Variants in TMEM145 observed in about 807,000 individuals in gnomAD.
The protein encoded by TMEM145 is transmembrane protein 145.
A neutral mutation model predicts 68.5 loss-of-function variants in TMEM145; 46 were observed. The observed-to-expected ratio is 0.67, with a 90% CI of 0.53 to 0.86. TMEM145 has a LOEUF of 0.86. Among genes scored for constraint, TMEM145 ranks in the 40% least tolerant of loss-of-function variants. TMEM145 has a pLI of 0.00. For missense variants in TMEM145, 570 were observed against 645.8 expected, an observed-to-expected ratio of 0.88 and a Z score of 1.27; for synonymous variants, 255 against 280.2, an observed-to-expected ratio of 0.91 and a Z score of 0.90.
rs530556985 is a variant in TMEM145 at position 42,321,534 on chromosome 19, C to T, written c.1194+1097C>T. ...CCTCCCTAGTAGCTGGGACTACAGGCGCCCACCACCACGCCTAGCAAATTT... is the reference window on the plus strand; with the variant it reads ...CCTCCCTAGTAGCTGGGACTACAGGTGCCCACCACCACGCCTAGCAAATTT... On this transcript the variant is annotated intron_variant, in intron 13 of 14. Coordinates refer to ENST00000301204, the MANE Select transcript of TMEM145 (RefSeq NM_173633.3). 92 of 173,246 alleles carry T rather than the reference C, an allele frequency of 5.3e-4. 1 individual carries two copies. Among genetic ancestry groups the T allele is most frequent in the Non-Finnish European group, 9.4e-4 (77 of 82,322 alleles). 10.7% of individuals were successfully genotyped at this position (173,246 alleles called of 1,614,324 possible). A position where few individuals can be genotyped will look rare whatever the true frequency, so the allele number is the denominator to read the frequency against.
Position 42,324,721 on chromosome 19 carries a change from C to A in TMEM145, c.1402-16C>A. On this transcript the variant is annotated splice_polypyrimidine_tract_variant and intron_variant, in intron 14 of 14. Transcript: ENST00000301204. Reference sequence around the variant, plus strand: ...AACGGTCCCGCGGGAGCCGCTCTCCCCGTCCCCTCCCTCAGCCCCTGCCCC... The same window carrying A: ...AACGGTCCCGCGGGAGCCGCTCTCCACGTCCCCTCCCTCAGCCCCTGCCCC... The A allele has an allele frequency of 6.8e-7, 1 of 1,481,430 alleles. No individual in the cohort carries two copies. The highest frequency in any genetic ancestry group is 2.9e-5 in the East Asian group (1 of 34,812). The allele number at this position is 1,481,430 out of a possible 1,614,324, so 91.8% of individuals were successfully genotyped here.
chr19:42,314,738 G>A (rs1298171923), intron 4 of TMEM145, 39 bp downstream of exon 4: 1 of 1,614,178 alleles, frequency 6.2e-7, no homozygotes. Context: ...GGTGCTGAAG[G>A]ATGAAGCCTT....
rs1035204323 is a variant in TMEM145 at position 42,323,499 on chromosome 19, A to G, written c.1195-84A>G. 5 of 1,351,072 alleles carry G rather than the reference A, an allele frequency of 3.7e-6. No homozygotes were observed. In the Admixed American group the frequency reaches 9.4e-5, roughly 25 times the overall value. 83.7% of individuals were successfully genotyped at this position (1,351,072 alleles called of 1,614,324 possible). A position where few individuals can be genotyped will look rare whatever the true frequency, so the allele number is the denominator to read the frequency against. ...GGAAGTGTGGTGGATGTCAACTGAA[A>G]GGGAATCCTTCGGACCCCAAGTTTA... On this transcript the variant is annotated intron_variant, in intron 13 of 14. Transcript: ENST00000301204.
rs764274684 is a variant in TMEM145 at position 42,323,721 on chromosome 19, G to A, written c.1333G>A (p.Val445Met). The A allele has an allele frequency of 9.3e-6, 15 of 1,614,056 alleles. No individual in the cohort carries two copies. The highest frequency in any genetic ancestry group is 1.2e-5 in the Non-Finnish European group (14 of 1,180,024). Reference sequence around the variant, plus strand: ...CTTCCCGCAGCACGTCTATGGGAACGTGACGTTTATCAGCGACTCGGTGCC... The same window carrying A: ...CTTCCCGCAGCACGTCTATGGGAACATGACGTTTATCAGCGACTCGGTGCC... ...KAFPQHVYGNVTFISDSVPNF... is the reference protein window; with the variant it reads ...KAFPQHVYGNMTFISDSVPNF... Residue 445 changes from valine (V) to methionine (M), a missense_variant, in exon 14 of 15, where the codon GTG (valine) becomes ATG (methionine). Transcript: ENST00000301204.
rs1356113148 is a variant in TMEM145, at chr19:42,314,088, TCAGGGCGGCAGGAATCCTGG to T, written c.121-183_121-164del. 2.7e-5 allele frequency among the ~76,000 whole-genome samples: 4 copies of T among 150,742 alleles called. No individual in the cohort carries two copies. In the East Asian group the frequency reaches 7.9e-4, roughly 30 times the overall value. ...TTGGGGGGGCAATGGAGGGAGAAAA[TCAGGGCGGCAGGAATCCTGG>T]ACCCACAGTGACGGGATCAGGGAAG... is the stretch of plus-strand genomic sequence containing the variant. On this transcript the variant is annotated intron_variant, in intron 1 of 14. Transcript: ENST00000301204.
rs2038827527 is a variant in TMEM145 at position 42,313,871 on chromosome 19, A to G, written c.120+375A>G. On this transcript the variant is annotated intron_variant, in intron 1 of 14. Transcript: ENST00000301204. This position sits in a 1 kb window ranked among gnomAD's most constrained non-coding sequence, Gnocchi z 5.1. ...TCAGGACCGGGAGGGGGCCGTTTGG[A>G]AGATTCCCCCGCGCGGGATGGTCTT... is the stretch of plus-strand genomic sequence containing the variant. Among the ~76,000 whole-genome samples the G allele has an allele frequency of 6.6e-6, 1 of 151,874 alleles. No individual in the cohort carries two copies. Among genetic ancestry groups the G allele is most frequent in the Non-Finnish European group, 1.5e-5 (1 of 67,952 alleles).
intron 12 of TMEM145, among the ~76,000 whole-genome samples, chr19:42,318,527 AAAT>A (rs1426253177): frequency 1.3e-5 from 2 of 151,524 alleles, no homozygotes; most frequent in African/African-American, 4.9e-5. Context: ...CTCTACCAAA[AAAT>A]AAAAAAATTA....
intron 6 of TMEM145, 55 bp from the exon 7 acceptor site, chr19:42,315,133 C>A: frequency 6.2e-7 from 1 of 1,614,100 alleles, no homozygotes; most frequent in South Asian, 1.1e-5. Context: ...GAGCTGGGTG[C>A]CCACTGAGGG....
chr19:42,314,935 C>T (rs2147412808), intron 5 of TMEM145, 58 bp from the exon 6 acceptor site: 1 of 1,613,772 alleles, frequency 6.2e-7, no homozygotes, highest in East Asian at 2.2e-5. Context: ...TTCTCTTTGC[C>T]TTCCTGCCAA....
At chr19:42,320,237 A>G in intron 12 of TMEM145, 80 bp from the exon 13 acceptor site, 2 of 1,587,164 alleles carry the variant, frequency 1.3e-6, no homozygotes, top group Non-Finnish European at 1.7e-6. Flanking sequence ...CTGCGTGTGT[A>G]CATGGCAGGC....
In TMEM145 at chr19:42,320,352, A is replaced by G; in HGVS notation, c.1109A>G (p.Asn370Ser). 2 of 1,614,120 alleles carry G rather than the reference A, an allele frequency of 1.2e-6. No individual in the cohort carries two copies. Among genetic ancestry groups the G allele is most frequent in the Non-Finnish European group, 1.7e-6 (2 of 1,180,024 alleles). The change falls in exon 13 of 15, where the codon AAT becomes AGT. Residue 370 changes from asparagine to serine, a missense_variant. Physicochemically the swap from Asn to Ser is conservative, Grantham distance 46 (BLOSUM62 1). Coordinates refer to ENST00000301204, the MANE Select transcript of TMEM145 (RefSeq NM_173633.3). ...FAVPVMALIA[N>S]FGIPKWAREK... ...GTTCCTGTCATGGCCCTGATTGCCA[A>G]TTTCGGCATCCCCAAGTGGGCCCGG... is the stretch of plus-strand genomic sequence containing the variant.
Position 42,313,455 on chromosome 19 carries a change from G to C in TMEM145, c.79G>C (p.Ala27Pro). The C allele has an allele frequency of 7.3e-7, 1 of 1,367,696 alleles. No homozygotes were observed. The allele number at this position is 1,367,696 out of a possible 1,614,324, so 84.7% of individuals were successfully genotyped here. Reference sequence around the variant, plus strand: ...CCTGCTGCTGTCACTGCCCCCCCGCGCCCGGGCCAAGTACGTGCGGGGCAA... The same window carrying C: ...CCTGCTGCTGTCACTGCCCCCCCGCCCCCGGGCCAAGTACGTGCGGGGCAA... ...LLLLLSLPPR[A>P]RAKYVRGNLS... Residue 27 changes from alanine (A) to proline (P), a missense_variant, in exon 1 of 15, where the codon GCC becomes CCC. Ala to Pro is a conservative substitution (Grantham distance 27, BLOSUM62 -1). Transcript: ENST00000301204. The surrounding 1 kb of genome is among the most constrained non-coding windows in gnomAD (Gnocchi z 5.1).
intron 2 of TMEM145, 39 bp downstream of exon 2, chr19:42,314,385 A>G (rs375019124): frequency 2.5e-6 from 4 of 1,613,782 alleles, no homozygotes; most frequent in Non-Finnish European, 3.4e-6. Flanking sequence ...GAGGCTGGGT[A>G]CTTCCCTTGG....
Position 42,314,680 on chromosome 19 carries a change from A to G in TMEM145, c.341A>G (p.Tyr114Cys). 4 of 1,614,216 alleles carry G rather than the reference A, an allele frequency of 2.5e-6. No homozygotes were observed. Among genetic ancestry groups the G allele is most frequent in the Non-Finnish European group, 3.4e-6 (4 of 1,180,044 alleles). ...NNQVINLTTQ[Y>C]AWSGCQVVSE... ...CAGGTCATCAACCTCACCACCCAGT[A>G]TGCCTGGTCCGGCTGTCAGGTGCAG... The change falls in exon 4 of 15, where the codon TAT becomes TGT. Residue 114 changes from tyrosine (Y) to cysteine (C), a missense_variant. Tyr to Cys is a radical substitution (Grantham distance 194). Transcript: ENST00000301204.
At chr19:42,324,387 T>A (rs1214554706) in intron 14 of TMEM145, 11 of 983,150 alleles carry the variant, frequency 1.1e-5, no homozygotes, top group African/African-American at 1.8e-5. Context: ...CCCGCTCGGT[T>A]CCCCAAGGCG....
intron 13 of TMEM145, among the ~76,000 whole-genome samples, chr19:42,322,092 C>T (rs766314465): frequency 6.6e-5 from 10 of 152,194 alleles, no homozygotes; most frequent in Non-Finnish European, 1.3e-4. Context: ...CAGGGATCTA[C>T]AACGTACCCC....
At chr19:42,317,039 C>A in intron 11 of TMEM145, 76 bp downstream of exon 11, 2 of 1,281,772 alleles carry the variant, frequency 1.6e-6, no homozygotes, top group South Asian at 2.5e-5. Context: ...CCTGTCTGCT[C>A]GCCCTTGCCC....
chr19:42,324,852 C>G lies in TMEM145; in HGVS notation c.*35C>G, dbSNP rs572388718. On this transcript the variant is annotated 3_prime_UTR_variant, in exon 15 of 15. Transcript: ENST00000301204. ...ACTCCGGAACACCCGTGGTGACCGC[C>G]GGGACCCTGCCTGTGACTCTCCAGG... The G allele has an allele frequency of 2.1e-5, 32 of 1,512,508 alleles. No individual in the cohort carries two copies. The African/African-American group carries it at 4.3e-4, about 20-fold the overall frequency. The allele number at this position is 1,512,508 out of a possible 1,614,324, so 93.7% of individuals were successfully genotyped here.
chr19:42,324,594 A>T lies in TMEM145; in HGVS notation c.1402-143A>T, dbSNP rs371651079. ...CGGCCGGGCTCCGGACCCCTGCTTT[A>T]TCCCGGCCCGAGAGCTCGCCCATCC... On this transcript the variant is annotated intron_variant, in intron 14 of 14. Coordinates refer to ENST00000301204, the MANE Select transcript of TMEM145 (RefSeq NM_173633.3). The T allele has an allele frequency of 1.8e-4, 244 of 1,357,696 alleles. 1 individual carries two copies. Among genetic ancestry groups the T allele is most frequent in the East Asian group, 1.6e-3 (51 of 31,524 alleles). The allele number at this position is 1,357,696 out of a possible 1,614,324, so 84.1% of individuals were successfully genotyped here. A position where few individuals can be genotyped will look rare whatever the true frequency, so the allele number is the denominator to read the frequency against.
Sources: gnomAD v4.1 joint callset for allele counts (sites outside exome capture counted in the v4.1 genomes callset) on GRCh38, gnomAD v4.1.1 for gene constraint, Gnocchi (gnomAD v3.1) non-coding constraint, MANE v1.5 for transcripts, NCBI Gene and HGNC (gene_info 2026-07-23, HGNC 2026-07-21) for gene names.